Variants in TMEM175 observed in about 807,000 individuals in gnomAD.
TMEM175 encodes transmembrane protein 175, also known as endosomal/lysosomal proton channel TMEM175.
TMEM175 carries 36 observed loss-of-function variants against 36.5 expected under a neutral mutation model. That is an observed-to-expected ratio of 0.99 (90% confidence interval 0.76 to 1.30). TMEM175 has a LOEUF of 1.30. Ranked by LOEUF, TMEM175 falls within the 50% of genes most tolerant of loss-of-function variation. The probability of loss-of-function intolerance (pLI) is 0.00; values close to 1 mark genes in which losing one functional copy is unlikely to be tolerated. For missense variants in TMEM175, 705 were observed against 692.8 expected (o/e 1.02, Z -0.20); for synonymous variants, 339 against 313.4 (o/e 1.08, Z -0.86).
At chr4:951,098 G>A (rs1728835713) in intron 4 of TMEM175, 109 bp from the exon 5 acceptor site, 9 of 1,100,068 alleles carry the variant, frequency 8.2e-6, no homozygotes, top group Non-Finnish European at 1.1e-5. Flanking sequence ...TTGGTTAACA[G>A]TGACATCTTT....
intron 1 of TMEM175, among the ~76,000 whole-genome samples, chr4:939,362 C>G (rs1395738922): frequency 1.3e-5 from 2 of 152,148 alleles, no homozygotes; most frequent in Non-Finnish European, 2.9e-5. Context: ...GGGCAGATCA[C>G]TTGAGGTCAG....
chr4:953,730 G>C (rs1729261836), intron 8 of TMEM175, among the ~76,000 whole-genome samples: 1 of 152,240 alleles, frequency 6.6e-6, no homozygotes, highest in African/African-American at 2.4e-5. Flanking sequence ...GTGTCACCCA[G>C]GCCGGAGGGC....
In TMEM175 at chr4:950,531, G is replaced by A. The variant is rs1178547222; in HGVS notation, c.290+13G>A. 6.2e-7 allele frequency: 1 copy of A among 1,604,198 alleles called. No homozygotes were observed. The highest frequency in any genetic ancestry group is 1.7e-5 in the Admixed American group (1 of 59,950). ...CAGCACACACAAGGTGGGGGCCCGG[G>A]CGCTTCCAGCGGTCCATAGCTGCTC... is the stretch of plus-strand genomic sequence containing the variant. On this transcript the variant is annotated intron_variant, in intron 4 of 10. Transcript: ENST00000264771.
chr4:941,007 AAATAATAATAATAATAATAAT>A (rs71166902), intron 1 of TMEM175, among the ~76,000 whole-genome samples: 15 of 131,864 alleles, frequency 1.1e-4, no homozygotes, highest in Non-Finnish European at 2.2e-4. Flanking sequence ...CTCCGTCTCA[AAATAATAATAATAATAATAAT>A]AATAATAATA....
intron 3 of TMEM175, 115 bp downstream of exon 3, chr4:948,269 G>A: frequency 6.2e-7 from 1 of 1,601,434 alleles, no homozygotes; most frequent in Non-Finnish European, 8.5e-7. Flanking sequence ...TGAGGCTTAG[G>A]AGGCAGAGGC....
At chr4:942,141 C>T (rs947796274) in intron 1 of TMEM175, among the ~76,000 whole-genome samples, 1 of 152,012 alleles carries the variant, frequency 6.6e-6, no homozygotes, top group East Asian at 1.9e-4. Context: ...TCACTGCAAC[C>T]TCCGCCTCCC....
intron 7 of TMEM175, 113 bp downstream of exon 7, chr4:952,563 CTGTGTG>C (rs147980248): frequency 0.028 from 18,318 of 649,602 alleles, 21 homozygotes; most frequent in Non-Finnish European, 0.032. Context: ...GGGGCCTGCA[CTGTGTG>C]TGTGTGTGTG....
intron 4 of TMEM175, 138 bp from the exon 5 acceptor site, chr4:951,069 A>G (rs1728831958): frequency 2.3e-5 from 20 of 855,858 alleles, no homozygotes; most frequent in South Asian, 9.4e-5. Flanking sequence ...AACTCCGTGC[A>G]CTAGGTAGTA....
rs758004779 is a variant in TMEM175 at position 958,427 on chromosome 4, C to A, written c.1446C>A (p.Pro482=). The A allele has an allele frequency of 1.9e-6, 3 of 1,594,750 alleles. No homozygotes were observed. The highest frequency in any genetic ancestry group is 1.3e-5 in the African/African-American group (1 of 74,848). The part of the protein sequence containing the change: ...TLRVLRGLAR[P]EHPPPAPTGQ... ...GGGTCCTGCGGGGCCTCGCCCGGCCCGAACACCCCCCGCCAGCCCCCACGG... is the reference window on the plus strand; with the variant it reads ...GGGTCCTGCGGGGCCTCGCCCGGCCAGAACACCCCCCGCCAGCCCCCACGG... The change falls in exon 11 of 11, where the codon CCC becomes CCA. Residue 482 remains proline, a synonymous_variant. Coordinates refer to ENST00000264771, the MANE Select transcript of TMEM175 (RefSeq NM_032326.4).
chr4:956,290 C>G (rs1212493683), intron 10 of TMEM175: 1 of 1,283,336 alleles, frequency 7.8e-7, no homozygotes, highest in Non-Finnish European at 1.0e-6. Flanking sequence ...CTCCGGCTCC[C>G]TCCCAGTGCC....
intron 10 of TMEM175, 184 bp downstream of exon 10, chr4:956,074 C>T (rs1019987319): frequency 2.4e-6 from 2 of 828,232 alleles, no homozygotes; most frequent in Non-Finnish European, 1.8e-6. Flanking sequence ...CCCGGCGGCC[C>T]CTCCCTTCCC....
chr4:937,226 A>G (rs1023141854), intron 1 of TMEM175, among the ~76,000 whole-genome samples: 7 of 152,210 alleles, frequency 4.6e-5, no homozygotes, highest in African/African-American at 1.7e-4. Flanking sequence ...CTCTATGTCT[A>G]TTAAAGCATT....
At chr4:950,315 G>C in intron 3 of TMEM175, 106 bp from the exon 4 acceptor site, 1 of 913,822 alleles carries the variant, frequency 1.1e-6, no homozygotes, top group South Asian at 1.5e-5. Flanking sequence ...CGAGGGTTTC[G>C]CCCTGCCCTG....
intron 4 of TMEM175, among the ~76,000 whole-genome samples, 181 bp downstream of exon 4, chr4:950,699 G>A (rs1050218115): frequency 3.3e-5 from 5 of 151,824 alleles, no homozygotes; most frequent in Non-Finnish European, 5.9e-5. Context: ...GGATGGTGCA[G>A]TAGGCGGAGG....
intron 5 of TMEM175, 126 bp downstream of exon 5, chr4:951,384 C>A: frequency 8.9e-7 from 1 of 1,123,036 alleles, no homozygotes. Context: ...TGGAATCTGT[C>A]CACAGCTGGG....
intron 1 of TMEM175, among the ~76,000 whole-genome samples, chr4:937,085 C>T (rs183780670): frequency 6.6e-6 from 1 of 152,056 alleles, no homozygotes; most frequent in African/African-American, 2.4e-5. Flanking sequence ...ATACCCCATT[C>T]TTCATGATAT....
intron 1 of TMEM175, among the ~76,000 whole-genome samples, chr4:938,189 G>A (rs534701969): frequency 1.3e-5 from 2 of 152,184 alleles, no homozygotes; most frequent in Non-Finnish European, 2.9e-5. Flanking sequence ...AGAAATTCTA[G>A]CCAACGTGAT....
Position 958,278 on chromosome 4 carries a change from G to A in TMEM175, c.1297G>A (p.Ala433Thr), listed in dbSNP as rs1205759313. ...LALYPCASLL[A>T]FASTCLLSRF... ...GCTGTACCCCTGTGCCAGCCTGCTG[G>A]CCTTCGCCTCCACCTGCCTGCTGAG... is the stretch of plus-strand genomic sequence containing the variant. The change falls in exon 11 of 11, where the codon GCC becomes ACC. Residue 433 changes from alanine to threonine, a missense_variant. Coordinates refer to ENST00000264771, the MANE Select transcript of TMEM175 (RefSeq NM_032326.4). 2 of 1,606,122 alleles carry A rather than the reference G, an allele frequency of 1.2e-6. No homozygotes were observed. Among genetic ancestry groups the A allele is most frequent in the Non-Finnish European group, 1.7e-6 (2 of 1,179,422 alleles).
chr4:956,203 C>A, intron 10 of TMEM175: 2 of 885,420 alleles, frequency 2.3e-6, no homozygotes, highest in Non-Finnish European at 3.1e-6. Flanking sequence ...GGCTCAGCAG[C>A]CATGGGTATC....
Sources: allele counts gnomAD v4.1 joint callset (sites outside exome capture counted in the v4.1 genomes callset), GRCh38; gene constraint gnomAD v4.1.1; transcripts MANE v1.5; gene names NCBI Gene and HGNC (gene_info 2026-07-23, HGNC 2026-07-21).